Variants in GNB4 observed in about 807,000 individuals in gnomAD.
GNB4 encodes guanine nucleotide-binding protein subunit beta-4.
In GNB4, 28 loss-of-function variants were observed where a neutral mutation model predicts 45.2. The observed-to-expected ratio is 0.62, with a 90% CI of 0.46 to 0.85. The LOEUF is 0.85. Among genes scored for constraint, GNB4 ranks in the 40% least tolerant of loss-of-function variants. GNB4 has a pLI of 0.00. For synonymous variants in GNB4, 132 were observed against 143.7 expected (o/e 0.92, Z 0.58); for missense variants, 321 against 425.4 (o/e 0.75, Z 2.16).
chr3:179,513,730 T>A, the GNB4 span, among the ~76,000 whole-genome samples: 1 of 152,324 alleles, frequency 6.6e-6, no homozygotes, highest in African/African-American at 2.4e-5. Flanking sequence ...CTTTTAAAAA[T>A]TTTTTGAAAT....
At chr3:179,494,695 G>A in the GNB4 span, among the ~76,000 whole-genome samples, 1 of 151,922 alleles carries the variant, frequency 6.6e-6, no homozygotes, top group Non-Finnish European at 1.5e-5. Flanking sequence ...AGATCACGAG[G>A]TCAGGAGATC....
At chr3:179,469,342 T>G in the GNB4 span, among the ~76,000 whole-genome samples, 2 of 152,202 alleles carry the variant, frequency 1.3e-5, no homozygotes, top group Non-Finnish European at 2.9e-5. Flanking sequence ...ATATACAATT[T>G]TATTTGTCAA....
At chr3:179,526,917 T>C in the GNB4 span, among the ~76,000 whole-genome samples, 1 of 152,228 alleles carries the variant, frequency 6.6e-6, no homozygotes, top group Non-Finnish European at 1.5e-5. Context: ...AAATTAATTT[T>C]ATATATGAAC....
chr3:179,468,388 G>A, the GNB4 span, among the ~76,000 whole-genome samples: 3 of 151,844 alleles, frequency 2.0e-5, no homozygotes, highest in Admixed American at 6.6e-5. Flanking sequence ...CCAGCTGCTC[G>A]GGAGGCTGAG....
chr3:179,425,365 G>C (rs1440020865), intron 2 of GNB4, among the ~76,000 whole-genome samples: 2 of 152,184 alleles, frequency 1.3e-5, no homozygotes, highest in African/African-American at 2.4e-5. Context: ...TCTAGTGTCT[G>C]TTAATTTTGT....
chr3:179,502,462 A>G, the GNB4 span, among the ~76,000 whole-genome samples: 1 of 151,730 alleles, frequency 6.6e-6, no homozygotes, highest in Non-Finnish European at 1.5e-5. Flanking sequence ...CGAACTCCTG[A>G]CCTCAAGTGA....
chr3:179,403,641 A>G (rs530834369), intron 9 of GNB4, among the ~76,000 whole-genome samples: 17 of 152,100 alleles, frequency 1.1e-4, no homozygotes, highest in African/African-American at 3.6e-4. Flanking sequence ...GAAAATACAA[A>G]AATTAGCTGG....
At chr3:179,453,196 C>G (rs1459699798), upstream of GNB4, among the ~76,000 whole-genome samples, 1 of 152,094 alleles carries the variant, frequency 6.6e-6, no homozygotes, top group South Asian at 2.1e-4. Flanking sequence ...GATGTCAGCT[C>G]ACTGCAACCT....
At chr3:179,427,146 C>T (rs6443651) in intron 1 of GNB4, among the ~76,000 whole-genome samples, 80,248 of 151,424 alleles carry the variant, frequency 0.53, 21,683 homozygotes, top group African/African-American at 0.64. Flanking sequence ...ATTTTATAAT[C>T]CCTTGCTCCC....
At chr3:179,435,470 CAAA>C (rs11389978) in intron 1 of GNB4, among the ~76,000 whole-genome samples, 34 of 96,034 alleles carry the variant, frequency 3.5e-4, no homozygotes, top group African/African-American at 1.4e-3. Context: ...CTTTCTTTTA[CAAA>C]AAAAAAAAAA....
chr3:179,440,166 C>T (rs1715560564), intron 1 of GNB4, among the ~76,000 whole-genome samples: 1 of 152,174 alleles, frequency 6.6e-6, no homozygotes, highest in Non-Finnish European at 1.5e-5. Context: ...GTTATCTTCT[C>T]TTTCCTTGAG....
At chr3:179,415,859 G>A (rs1714785489) in intron 5 of GNB4, among the ~76,000 whole-genome samples, 1 of 151,820 alleles carries the variant, frequency 6.6e-6, no homozygotes, top group East Asian at 1.9e-4. Flanking sequence ...TCTCAATCAG[G>A]TTGAAATTAT....
At position 179,416,537 on chromosome 3, in the gene GNB4, G is replaced by C; in HGVS notation, c.223C>G (p.Gln75Glu). 1 of 1,596,446 alleles carries C rather than the reference G, an allele frequency of 6.3e-7. No homozygotes were observed. The highest frequency in any genetic ancestry group is 8.5e-7 in the Non-Finnish European group (1 of 1,170,550). The change falls in exon 5 of 10, where the codon CAA becomes GAA. Residue 75 changes from glutamine (Q) to glutamate (E), a missense_variant. Gln to Glu is a conservative substitution (Grantham distance 29). Transcript: ENST00000232564. ...TCCCAAATAATTAATTTTCCATCTTGAGAAGCACTGACTAGCAGCCTAGAG... is the reference window on the plus strand; with the variant it reads ...TCCCAAATAATTAATTTTCCATCTTCAGAAGCACTGACTAGCAGCCTAGAG... ...YDSRLLVSAS[Q>E]DGKLIIWDSY...
At chr3:179,434,228 G>T (rs1715384664) in intron 1 of GNB4, among the ~76,000 whole-genome samples, 2 of 152,128 alleles carry the variant, frequency 1.3e-5, no homozygotes, top group South Asian at 4.1e-4. Context: ...ACTGACAGGA[G>T]AACTGATCAC....
chr3:179,467,687 C>T, the GNB4 span, among the ~76,000 whole-genome samples: 4 of 152,040 alleles, frequency 2.6e-5, no homozygotes, highest in African/African-American at 9.7e-5. Flanking sequence ...CTGTCAGGCA[C>T]ATAGTAGGCA....
chr3:179,513,369 A>G, the GNB4 span, among the ~76,000 whole-genome samples: 22,903 of 151,834 alleles, frequency 0.15, 1,973 homozygotes, highest in East Asian at 0.34. Context: ...TTTTTAGTAG[A>G]GGTGAGGTTT....
intron 1 of GNB4, among the ~76,000 whole-genome samples, chr3:179,426,883 C>T (rs1577034365): frequency 6.6e-6 from 1 of 152,132 alleles, no homozygotes; most frequent in Non-Finnish European, 1.5e-5. Flanking sequence ...ATTAGAGCAA[C>T]TAGAGATCCA....
chr3:179,521,458 C>G, the GNB4 span, among the ~76,000 whole-genome samples: 1 of 152,230 alleles, frequency 6.6e-6, no homozygotes, highest in South Asian at 2.1e-4. Context: ...TTTATTAGGC[C>G]CCAGTCTCAT....
chr3:179,507,317 A>G, the GNB4 span, among the ~76,000 whole-genome samples: 1 of 152,144 alleles, frequency 6.6e-6, no homozygotes, highest in Non-Finnish European at 1.5e-5. Flanking sequence ...ATTATCACAC[A>G]GTTTTATTAA....
Sources: gnomAD v4.1 joint callset for allele counts (sites outside exome capture counted in the v4.1 genomes callset) on GRCh38, gnomAD v4.1.1 for gene constraint, MANE v1.5 for transcripts, NCBI Gene and HGNC (gene_info 2026-07-23, HGNC 2026-07-21) for gene names.